Variants in TRHDE observed in about 807,000 individuals in gnomAD.
TRHDE encodes thyrotropin-releasing hormone-degrading ectoenzyme.
TRHDE carries 72 observed loss-of-function variants against 125.7 expected under a neutral mutation model. The ratio of observed to expected loss-of-function variants is 0.57; its 90% CI spans 0.47 to 0.70. TRHDE has a LOEUF of 0.70. TRHDE is among the 30% of genes least tolerant of loss of function. TRHDE has a pLI of 0.00. For missense variants in TRHDE, 1,110 were observed against 1,327.1 expected (o/e 0.84, Z 2.54); for synonymous variants, 509 against 509.1 (o/e 1.00, Z 0.00).
chr12:72,480,212 G>A (rs1877103697), intron 5 of TRHDE, among the ~76,000 whole-genome samples: 1 of 151,088 alleles, frequency 6.6e-6, no homozygotes, highest in African/African-American at 2.5e-5. Flanking sequence ...GGTATTTCTA[G>A]TTCTAGATCC....
chr12:72,411,830 T>C (rs1009759491), intron 3 of TRHDE, among the ~76,000 whole-genome samples: 6 of 152,122 alleles, frequency 3.9e-5, no homozygotes, highest in Non-Finnish European at 5.9e-5. Context: ...AACCCACTTA[T>C]TGAGGGATAT....
chr12:72,610,738 T>C (rs1297221247), intron 12 of TRHDE: 1 of 152,172 alleles, frequency 6.6e-6, no homozygotes, highest in Non-Finnish European at 1.5e-5. Flanking sequence ...CATCCGACTT[T>C]CAGAAAATAT....
chr12:72,115,578 C>T (rs1453003012), intron 2 of TRHDE, among the ~76,000 whole-genome samples: 1 of 152,030 alleles, frequency 6.6e-6, no homozygotes, highest in Non-Finnish European at 1.5e-5. Flanking sequence ...AGTGAGATTG[C>T]CGAATCATAT....
intron 3 of TRHDE, among the ~76,000 whole-genome samples, chr12:72,427,477 A>G (rs1874238741): frequency 6.6e-6 from 1 of 151,996 alleles, no homozygotes; most frequent in South Asian, 2.1e-4. Flanking sequence ...TAGAGGACTC[A>G]TTGGTTTTTA....
intron 9 of TRHDE, among the ~76,000 whole-genome samples, chr12:72,563,429 ATG>A (rs35691499): frequency 0.27 from 40,346 of 151,972 alleles, 8,061 homozygotes; most frequent in African/African-American, 0.54. Context: ...GAAACTCATA[ATG>A]CAGAAAAACT....
chr12:72,446,316 T>G (rs1439989603), intron 3 of TRHDE, among the ~76,000 whole-genome samples: 7 of 151,760 alleles, frequency 4.6e-5, no homozygotes, highest in African/African-American at 1.7e-4. Flanking sequence ...TCTGAGAGAT[T>G]TTGTCACCAC....
At chr12:72,141,650 A>C (rs938702680) in intron 2 of TRHDE, among the ~76,000 whole-genome samples, 1 of 152,262 alleles carries the variant, frequency 6.6e-6, no homozygotes, top group Non-Finnish European at 1.5e-5. Context: ...AGTATTTCAG[A>C]TAAGAAGACT....
chr12:72,271,893 T>A (rs1366747322), upstream of TRHDE: 3 of 456,294 alleles, frequency 6.6e-6, no homozygotes, highest in Non-Finnish European at 1.3e-5. Context: ...AAGACTGGAA[T>A]GAGGGAGTCT....
intron 10 of TRHDE, among the ~76,000 whole-genome samples, chr12:72,569,934 G>A (rs1870639414): frequency 6.6e-6 from 1 of 152,204 alleles, no homozygotes; most frequent in Non-Finnish European, 1.5e-5. Flanking sequence ...TCATGTAGTT[G>A]TTTGTCTACA....
chr12:72,261,703 T>C (rs574898797), intron 2 of TRHDE, among the ~76,000 whole-genome samples: 1 of 152,306 alleles, frequency 6.6e-6, no homozygotes, highest in Non-Finnish European at 1.5e-5. Context: ...TGATGTTCTA[T>C]ATATTACCTT....
At chr12:72,095,377 G>A (rs945096213) in intron 1 of TRHDE, among the ~76,000 whole-genome samples, 2 of 152,174 alleles carry the variant, frequency 1.3e-5, no homozygotes, top group Non-Finnish European at 2.9e-5. Context: ...GAGATCCTAG[G>A]AAGGAGTGAG....
intron 2 of TRHDE, chr12:72,262,489 C>T (rs867844241): frequency 6.6e-6 from 1 of 152,092 alleles, no homozygotes; most frequent in South Asian, 2.1e-4. Flanking sequence ...ATCTTGGTAA[C>T]CACTGAAAAT....
chr12:72,399,607 C>A (rs1356338944), intron 3 of TRHDE, among the ~76,000 whole-genome samples: 1 of 152,004 alleles, frequency 6.6e-6, no homozygotes. Context: ...TAGTTCTTGG[C>A]AAAAGTGAAA....
intron 2 of TRHDE, among the ~76,000 whole-genome samples, chr12:72,234,728 T>TA (rs1218821122): frequency 1.3e-5 from 2 of 152,096 alleles, no homozygotes; most frequent in Middle Eastern, 3.4e-3. Flanking sequence ...TTAGGTGCTT[T>TA]AAAAAAAATC....
At chr12:72,174,878 A>G (rs1158541601) in intron 2 of TRHDE, among the ~76,000 whole-genome samples, 3 of 152,196 alleles carry the variant, frequency 2.0e-5, no homozygotes, top group Non-Finnish European at 2.9e-5. Context: ...CTATTACTAA[A>G]TAATCTACAG....
rs187228879 is a variant in TRHDE at position 72,362,798 on chromosome 12, C to T, written c.1189-15197C>T. ...TCTACATATGGCTAGCCAGTTTTCC[C>T]AGCACCATTTATTAAATAGGGAATC... On this transcript the variant is annotated intron_variant, in intron 2 of 18. Coordinates refer to ENST00000261180, the MANE Select transcript of TRHDE (RefSeq NM_013381.3). 8.0e-3 allele frequency among the ~76,000 whole-genome samples: 1,223 copies of T among 152,146 alleles called. 17 individuals are homozygous for T. Among genetic ancestry groups the T allele is most frequent in the African/African-American group, 0.028 (1,182 of 41,492 alleles).
intron 12 of TRHDE, among the ~76,000 whole-genome samples, chr12:72,590,211 T>G (rs928633226): frequency 3.3e-5 from 5 of 152,042 alleles, no homozygotes; most frequent in Non-Finnish European, 7.4e-5. Flanking sequence ...ACAATTCCAT[T>G]GTGGTTAGAG....
In TRHDE at chr12:72,469,832, A is replaced by T; in HGVS notation, c.1390A>T (p.Ile464Leu). ...WGLSIFVEQR[I>L]LLDPSVSSIS... is the part of the protein sequence containing the mutation. Reference sequence around the variant, plus strand: ...ACTAAGTATTTTTGTGGAACAAAGAATACTGCTGGATCCCAGTGTTTCATC... The same window carrying T: ...ACTAAGTATTTTTGTGGAACAAAGATTACTGCTGGATCCCAGTGTTTCATC... The change falls in exon 4 of 19, where the codon ATA becomes TTA. Residue 464 changes from isoleucine to leucine, a missense_variant. Ile to Leu is a conservative substitution (Grantham distance 5, BLOSUM62 2). Transcript: ENST00000261180. The T allele has an allele frequency of 6.2e-7, 1 of 1,614,116 alleles. No homozygotes were observed. The highest frequency in any genetic ancestry group is 1.3e-5 in the African/African-American group (1 of 75,048).
chr12:72,225,931 A>G (rs948489888), intron 2 of TRHDE, among the ~76,000 whole-genome samples: 3 of 152,202 alleles, frequency 2.0e-5, no homozygotes, highest in African/African-American at 7.2e-5. Context: ...GAAGACTGGG[A>G]TCTCACCAGA....
Sources: allele counts gnomAD v4.1 joint callset (sites outside exome capture counted in the v4.1 genomes callset), GRCh38; gene constraint gnomAD v4.1.1; transcripts MANE v1.5; gene names NCBI Gene and HGNC (gene_info 2026-07-23, HGNC 2026-07-21).